The following ZC3H7B variants were observed in gnomAD, a reference collection of about 807,000 sequenced individuals.
ZC3H7B encodes zinc finger CCCH domain-containing protein 7B.
Under a neutral mutation model 116.0 loss-of-function variants are expected in ZC3H7B, and 35 were observed. That is an observed-to-expected ratio of 0.30 (90% CI 0.23 to 0.40). ZC3H7B has a LOEUF of 0.40. Among genes scored for constraint, ZC3H7B ranks in the 10% least tolerant of loss-of-function variants. The pLI, the probability that ZC3H7B is intolerant of heterozygous loss-of-function variation, is 1.00. For synonymous variants in ZC3H7B, 502 were observed against 545.6 expected (o/e 0.92, Z 1.11); for missense variants, 1,011 against 1,321.5 (o/e 0.77, Z 3.64).
rs1215627965 is a variant in ZC3H7B at position 41,302,677 on chromosome 22, A to G, written c.-7+905A>G. ...TCAACTCTGTCTGTTTTAGGCGTTTATAAGGCGCCTGGTTGGGGGGACTTT... is the reference window on the plus strand; with the variant it reads ...TCAACTCTGTCTGTTTTAGGCGTTTGTAAGGCGCCTGGTTGGGGGGACTTT... On this transcript the variant is annotated intron_variant, in intron 1 of 22. Coordinates refer to ENST00000352645, the MANE Select transcript of ZC3H7B (RefSeq NM_017590.6). The surrounding 1 kb of genome is among the most constrained non-coding windows in gnomAD (Gnocchi z 5.7). 6.6e-6 allele frequency among the ~76,000 whole-genome samples: 1 copy of G among 152,116 alleles called. No individual in the cohort carries two copies. The highest frequency in any genetic ancestry group is 2.4e-5 in the African/African-American group (1 of 41,426).
At chr22:41,330,370 G>A (rs1462673250) in intron 6 of ZC3H7B, among the ~76,000 whole-genome samples, 1 of 152,238 alleles carries the variant, frequency 6.6e-6, no homozygotes, top group East Asian at 1.9e-4. Context: ...TAGTCACCTG[G>A]AGGTGGCCTG....
In ZC3H7B at chr22:41,338,305, C is replaced by T. The variant is rs1226368114; in HGVS notation, c.583-8C>T. On this transcript the variant is annotated splice_region_variant and splice_polypyrimidine_tract_variant and intron_variant, in intron 7 of 22. Coordinates refer to ENST00000352645, the MANE Select transcript of ZC3H7B (RefSeq NM_017590.6). This position sits in a 1 kb window ranked among gnomAD's most constrained non-coding sequence, Gnocchi z 4.5. ...AGCCACAGCGCCACTGTGGCCCTCT[C>T]CCCACAGGGAACTTCTAATGGATTG... 8.7e-6 allele frequency: 14 copies of T among 1,612,272 alleles called. No homozygotes were observed. The highest frequency in any genetic ancestry group is 1.1e-5 in the Non-Finnish European group (13 of 1,179,746).
In ZC3H7B at chr22:41,351,538, G is replaced by C; in HGVS notation, c.1949-23G>C. The C allele has an allele frequency of 1.2e-6, 2 of 1,606,762 alleles. No individual in the cohort carries two copies. On this transcript the variant is annotated intron_variant, in intron 16 of 22. Transcript: ENST00000352645. The surrounding 1 kb of genome is among the most constrained non-coding windows in gnomAD (Gnocchi z 5.1). ...TTGCTGAGCACCTTGAAAGATGCCT[G>C]TGTCTGCCCCCACCCTCCCCAGGCA...
In ZC3H7B at chr22:41,311,354, T is replaced by A. The variant is rs369996164; in HGVS notation, c.-6-9301T>A. The stretch of plus-strand genomic sequence containing the variant: ...ATGATGCTCAGAGCTATGAATAGAG[T>A]CAGGGAATAATGGAAGAGGAGTAGG... On this transcript the variant is annotated intron_variant, in intron 1 of 22. Coordinates refer to ENST00000352645, the MANE Select transcript of ZC3H7B (RefSeq NM_017590.6). 6.6e-5 allele frequency among the ~76,000 whole-genome samples: 10 copies of A among 151,512 alleles called. No homozygotes were observed. In the South Asian group the frequency reaches 1.5e-3, roughly 22 times the overall value.
rs199611879 is a variant in ZC3H7B at position 41,321,829 on chromosome 22, C to CTTTTTTTT, written c.53+1137_53+1144dup. On this transcript the variant is annotated intron_variant, in intron 2 of 22. Transcript: ENST00000352645. The stretch of plus-strand genomic sequence containing the variant: ...GACCACAAAACTCAAAACTCACATT[C>CTTTTTTTT]TTTTTTTTTTTTTTTTTTTTTTTTT... Among the ~76,000 whole-genome samples the CTTTTTTTT allele has an allele frequency of 5.8e-4, 53 of 91,020 alleles. 13 individuals are homozygous for CTTTTTTTT. Among genetic ancestry groups the CTTTTTTTT allele is most frequent in the African/African-American group, 2.5e-3 (45 of 17,668 alleles). 59.7% of individuals were successfully genotyped at this position (91,020 alleles called of 152,430 possible).
At chr22:41,341,465 C>T (rs768006147) in intron 11 of ZC3H7B, among the ~76,000 whole-genome samples, 12 of 152,152 alleles carry the variant, frequency 7.9e-5, no homozygotes, top group African/African-American at 2.4e-4. Context: ...GCATCTGGGC[C>T]GGGCGCGGTG....
At position 41,338,250 on chromosome 22, in the gene ZC3H7B, G is replaced by T; in HGVS notation, c.583-63G>T. The stretch of plus-strand genomic sequence containing the variant: ...CAGCATAGTCACGTGGGGAGGGGCT[G>T]GTGCTGGGTGCTGGGATCGGGGCCT... On this transcript the variant is annotated intron_variant, in intron 7 of 22. Transcript: ENST00000352645. This position sits in a 1 kb window ranked among gnomAD's most constrained non-coding sequence, Gnocchi z 4.5. The T allele has an allele frequency of 6.4e-7, 1 of 1,555,138 alleles. No homozygotes were observed. Among genetic ancestry groups the T allele is most frequent in the South Asian group, 1.1e-5 (1 of 87,110 alleles).
At chr22:41,354,072 C>A (rs1036382119) in intron 17 of ZC3H7B, among the ~76,000 whole-genome samples, 4 of 152,154 alleles carry the variant, frequency 2.6e-5, no homozygotes, top group Admixed American at 1.3e-4. Context: ...TTGCCACCTG[C>A]TATGGCAAGG....
chr22:41,317,526 A>G (rs964514930), intron 1 of ZC3H7B, among the ~76,000 whole-genome samples: 1 of 152,056 alleles, frequency 6.6e-6, no homozygotes, highest in African/African-American at 2.4e-5. Context: ...GCAGTGGCTC[A>G]TGCCTATATT....
In ZC3H7B at chr22:41,301,684, CTAA is replaced by C. The variant is rs1311728852; in HGVS notation, c.-85_-83del. The C allele has an allele frequency of 6.6e-6, 1 of 152,156 alleles. No homozygotes were observed. The highest frequency in any genetic ancestry group is 2.4e-5 in the African/African-American group (1 of 41,450). The allele number at this position is 152,156 out of a possible 1,614,324, so 9.4% of individuals were successfully genotyped here. A position where few individuals can be genotyped will look rare whatever the true frequency, so the allele number is the denominator to read the frequency against. ...TAAATAGCATTTACTCTTATTATTACTAATAATAATAACGTAATCATACCTCTA... is the reference window on the plus strand; with the variant it reads ...TAAATAGCATTTACTCTTATTATTACTAATAATAACGTAATCATACCTCTA... On this transcript the variant is annotated 5_prime_UTR_variant, in exon 1 of 23. Transcript: ENST00000352645.
rs1418796640 is a variant in ZC3H7B at position 41,357,625 on chromosome 22, C to T, written c.*196C>T. ...TACCCAGGCGCACGTGCTGCAGCCC[C>T]CGGAGGCCCCGCTGAAACCTGGGCT... On this transcript the variant is annotated 3_prime_UTR_variant, in exon 23 of 23. Transcript: ENST00000352645. This position sits in a 1 kb window ranked among gnomAD's most constrained non-coding sequence, Gnocchi z 5.4. 1 of 763,888 alleles carries T rather than the reference C, an allele frequency of 1.3e-6. No individual in the cohort carries two copies. The highest frequency in any genetic ancestry group is 1.8e-5 in the African/African-American group (1 of 56,796). 47.3% of individuals were successfully genotyped at this position (763,888 alleles called of 1,614,324 possible). A position where few individuals can be genotyped will look rare whatever the true frequency, so the allele number is the denominator to read the frequency against.
intron 1 of ZC3H7B, among the ~76,000 whole-genome samples, chr22:41,307,159 G>A (rs2036054698): frequency 6.6e-6 from 1 of 151,820 alleles, no homozygotes. Flanking sequence ...TGTATTTTTA[G>A]TAGAGATGGT....
chr22:41,341,977 G>A (rs1409171126), intron 11 of ZC3H7B, among the ~76,000 whole-genome samples: 2 of 151,620 alleles, frequency 1.3e-5, no homozygotes, highest in East Asian at 3.9e-4. Flanking sequence ...CAGGAGAATC[G>A]CTTGAACCTG....
At chr22:41,305,319 G>A (rs891103367) in intron 1 of ZC3H7B, among the ~76,000 whole-genome samples, 10 of 151,414 alleles carry the variant, frequency 6.6e-5, no homozygotes, top group East Asian at 1.9e-4. Context: ...CTCCAGCCTG[G>A]GCGACAGAGC....
At chr22:41,345,177 C>G (rs187652797) in intron 13 of ZC3H7B, among the ~76,000 whole-genome samples, 1 of 152,346 alleles carries the variant, frequency 6.6e-6, no homozygotes, top group East Asian at 1.9e-4. Flanking sequence ...CCATTCATAG[C>G]AAAGACAGCT....
At chr22:41,303,206 AT>A (rs1462020324) in intron 1 of ZC3H7B, among the ~76,000 whole-genome samples, 1 of 152,174 alleles carries the variant, frequency 6.6e-6, no homozygotes, top group African/African-American at 2.4e-5. Flanking sequence ...TGGATGGAGC[AT>A]GTTTGAGAAG....
intron 1 of ZC3H7B, among the ~76,000 whole-genome samples, chr22:41,315,636 C>T (rs1156426426): frequency 6.6e-6 from 1 of 152,074 alleles, no homozygotes; most frequent in East Asian, 1.9e-4. Flanking sequence ...GTGTGCTGGC[C>T]TGTTTGATTT....
intron 5 of ZC3H7B, among the ~76,000 whole-genome samples, chr22:41,329,597 C>T (rs2036357087): frequency 6.6e-6 from 1 of 152,078 alleles, no homozygotes; most frequent in African/African-American, 2.4e-5. Context: ...TGCATGCATT[C>T]CTAGAAAAGA....
chr22:41,352,370 C>T (rs2036663146), intron 17 of ZC3H7B, among the ~76,000 whole-genome samples: 1 of 152,258 alleles, frequency 6.6e-6, no homozygotes, highest in African/African-American at 2.4e-5. Flanking sequence ...TTCAAGGTGC[C>T]TCCATTGTAA....
Sources: allele counts gnomAD v4.1 joint callset (sites outside exome capture counted in the v4.1 genomes callset), GRCh38; gene constraint gnomAD v4.1.1; non-coding constraint Gnocchi (gnomAD v3.1); transcripts MANE v1.5; gene names NCBI Gene and HGNC (gene_info 2026-07-23, HGNC 2026-07-21).